ATP2B3: variants seen among roughly 807,000 people sequenced by gnomAD.
The protein encoded by ATP2B3 is ATPase plasma membrane Ca2+ transporting 3.
In ATP2B3, 12 loss-of-function variants were observed where a neutral mutation model predicts 70.8. That is an observed-to-expected ratio of 0.17 (90% CI 0.11 to 0.27). ATP2B3 has a LOEUF of 0.27. ATP2B3 is among the 10% of genes least tolerant of loss of function. The pLI is 1.00. For missense variants in ATP2B3, 858 were observed against 1,118.5 expected (o/e 0.77, Z 3.32); for synonymous variants, 460 against 497.8 (o/e 0.92, Z 1.01).
chrX:153,549,794 C>A, intron 11 of ATP2B3, 55 bp downstream of exon 11: 1 of 1,168,960 alleles, frequency 8.6e-7, no homozygotes, highest in Non-Finnish European at 1.1e-6. Context: ...AGGGGAGGGT[C>A]CTGGCCAGGG....
At chrX:153,536,815 G>A (rs994979244) in intron 3 of ATP2B3, among the ~76,000 whole-genome samples, 36 of 112,499 alleles carry the variant, frequency 3.2e-4, no homozygotes, top group Admixed American at 2.8e-4. Flanking sequence ...GATTTCCGGT[G>A]TGCTCAACCC....
Position 153,541,526 on chromosome X carries a change from T to C in ATP2B3, c.376T>C (p.Phe126Leu). 1 of 1,211,253 alleles carries C rather than the reference T, an allele frequency of 8.3e-7. No individual in the cohort carries two copies. The highest frequency in any genetic ancestry group is 1.1e-6 in the Non-Finnish European group (1 of 895,372). ...TGCCATCGTCTCTCTGGGCCTCTCGTTCTATGCGCCGCCAGGAGAGGAGAG... is the reference window on the plus strand; with the variant it reads ...TGCCATCGTCTCTCTGGGCCTCTCGCTCTATGCGCCGCCAGGAGAGGAGAG... The part of the protein sequence containing the change: ...VAAIVSLGLS[F>L]YAPPGEESEA... Residue 126 changes from phenylalanine (F) to leucine (L), a missense_variant, in exon 4 of 22, where the codon TTC (phenylalanine) becomes CTC (leucine). Phe to Leu is a conservative substitution (Grantham distance 22, BLOSUM62 0). Around this residue, in one of 5 missense-constraint regions of ATP2B3, gnomAD observed 278 missense variants for 366.2 expected, o/e 0.76. Transcript: ENST00000263519.
At chrX:153,559,048 A>G (rs2090585149) in intron 17 of ATP2B3, among the ~76,000 whole-genome samples, 1 of 1,478 alleles carries the variant, frequency 6.8e-4, no homozygotes, top group African/African-American at 7.6e-4. Context: ...TTAAATTGAG[A>G]TAAAAAATCA....
chrX:153,538,772 G>A (rs6643712), intron 3 of ATP2B3, among the ~76,000 whole-genome samples: 2 of 113,167 alleles, frequency 1.8e-5, no homozygotes, highest in Non-Finnish European at 3.7e-5. Flanking sequence ...GGCCGCAGCT[G>A]TGTTCCTCCT....
rs781965639 is a variant in ATP2B3, at chrX:153,559,746, C to T, written c.2643C>T (p.Ala881=). 7 of 1,211,357 alleles carry T rather than the reference C, an allele frequency of 5.8e-6. No homozygotes were observed. The East Asian group carries it at 1.5e-4, about 26-fold the overall frequency. ...CTCCATAGGACTCTCCTCTCAAAGC[C>T]GTGCAGATGTTGTGGGTGAACTTGA... is the stretch of plus-strand genomic sequence containing the variant. The part of the protein sequence containing the change: ...ACITQDSPLK[A]VQMLWVNLIM... Residue 881 remains alanine, a synonymous_variant, in exon 18 of 22, where the codon GCC becomes GCT. Coordinates refer to ENST00000263519, the MANE Select transcript of ATP2B3 (RefSeq NM_001001344.3).
At chrX:153,578,786 G>A (rs1299591533) in intron 21 of ATP2B3, among the ~76,000 whole-genome samples, 3 of 112,083 alleles carry the variant, frequency 2.7e-5, no homozygotes, top group Admixed American at 9.4e-5. Flanking sequence ...CAGCAGAGAC[G>A]CAAGTTTTGG....
At chrX:153,578,813 A>T (rs1376811822) in intron 21 of ATP2B3, among the ~76,000 whole-genome samples, 2 of 112,297 alleles carry the variant, frequency 1.8e-5, no homozygotes, top group East Asian at 5.6e-4. Context: ...TGACTGGAAG[A>T]TGGAGGAGGA....
Position 153,580,203 on chromosome X carries a change from A to C in ATP2B3, c.3568A>C (p.Ile1190Leu). Residue 1190 changes from isoleucine to leucine, a missense_variant, in exon 22 of 22, where the codon ATC (isoleucine) becomes CTC (leucine). Physicochemically the swap from Ile to Leu is conservative, Grantham distance 5. Transcript: ENST00000263519. ...GAACAACAACGCCATAGACAGCGGC[A>C]TCTACCTGACCACGCATGTCACCAA... is the stretch of plus-strand genomic sequence containing the variant. ...NQNNNAIDSG[I>L]YLTTHVTKSA... is the part of the protein sequence containing the mutation. 9.2e-7 allele frequency: 1 copy of C among 1,087,842 alleles called. No individual in the cohort carries two copies. 89.7% of individuals were successfully genotyped at this position (1,087,842 alleles called of 1,213,427 possible). A position where few individuals can be genotyped will look rare whatever the true frequency, so the allele number is the denominator to read the frequency against.
intron 7 of ATP2B3, among the ~76,000 whole-genome samples, chrX:153,545,582 G>T (rs1410766623): frequency 8.9e-6 from 1 of 112,657 alleles, no homozygotes; most frequent in Non-Finnish European, 1.9e-5. Context: ...GAGGCAGGAG[G>T]ATCGCTTAAA....
rs782034545 is a variant in ATP2B3, at chrX:153,547,886, C to T, written c.1010C>T (p.Ala337Val). ...ATGGAGATGCAGCCCCTGAAGAGCG[C>T]GGAGGGTGGGGAGATGGAGGAGCGG... ...VAMEMQPLKS[A>V]EGGEMEEREK... Residue 337 changes from alanine to valine, a missense_variant, in exon 9 of 22, where the codon GCG becomes GTG. Around this residue, in one of 5 missense-constraint regions of ATP2B3, gnomAD observed 278 missense variants for 366.2 expected, o/e 0.76. Transcript: ENST00000263519. 4.1e-6 allele frequency: 5 copies of T among 1,209,963 alleles called. No homozygotes were observed. The highest frequency in any genetic ancestry group is 3.5e-5 in the South Asian group (2 of 56,587).
rs782726948 is a variant in ATP2B3, at chrX:153,565,049, G to A, written c.3288G>A (p.Glu1096=). ...GEEEIDHAER[E]LRRGQILWFR... is the part of the protein sequence containing the mutation. ...AAGAGATCGACCATGCCGAGCGGGA[G>A]CTCCGCAGGGGCCAGATCCTCTGGT... The change falls in exon 21 of 22, where the codon GAG becomes GAA. Residue 1096 remains glutamate (E), a synonymous_variant. Coordinates refer to ENST00000263519, the MANE Select transcript of ATP2B3 (RefSeq NM_001001344.3). The A allele has an allele frequency of 8.3e-7, 1 of 1,200,559 alleles. No homozygotes were observed. The highest frequency in any genetic ancestry group is 1.1e-6 in the Non-Finnish European group (1 of 889,701).
chrX:153,539,601 G>A (rs2090248679), intron 3 of ATP2B3, among the ~76,000 whole-genome samples: 1 of 113,295 alleles, frequency 8.8e-6, no homozygotes, highest in African/African-American at 3.2e-5. Flanking sequence ...TCCCGTCCCT[G>A]CAGCAGATGG....
intron 2 of ATP2B3, among the ~76,000 whole-genome samples, chrX:153,523,448 G>C (rs946953563): frequency 8.9e-6 from 1 of 111,890 alleles, no homozygotes; most frequent in Non-Finnish European, 1.9e-5. Flanking sequence ...CTGAGGAGAG[G>C]GCCCAGGCAG....
chrX:153,537,431 C>G (rs2090208735), intron 3 of ATP2B3, among the ~76,000 whole-genome samples: 1 of 113,686 alleles, frequency 8.8e-6, no homozygotes, highest in Non-Finnish European at 1.9e-5. Context: ...CACCTCCAGC[C>G]TCCCGCTCTG....
intron 2 of ATP2B3, among the ~76,000 whole-genome samples, chrX:153,529,939 G>T (rs1453878811): frequency 8.9e-6 from 1 of 112,760 alleles, no homozygotes; most frequent in Non-Finnish European, 1.9e-5. Flanking sequence ...GCCTGGATGG[G>T]CCACATGGTG....
At position 153,580,143 on chromosome X, in the gene ATP2B3, CGCCTCCGGG is replaced by C; in HGVS notation, c.3509_3517del (p.Arg1170_Ala1173delinsPro). 1 of 1,211,963 alleles carries C rather than the reference CGCCTCCGGG, an allele frequency of 8.3e-7. No homozygotes were observed. Among genetic ancestry groups the C allele is most frequent in the African/African-American group, 1.7e-5 (1 of 57,845 alleles). On this transcript the variant is annotated inframe_deletion, in exon 22 of 22. Transcript: ENST00000263519. ...CACGGACGTGGACGAGAACGAGGAG[CGCCTCCGGG>C]CCCCCCCGCCCCCGTCCCCCAACCA...
chrX:153,527,447 C>T (rs991686631), intron 2 of ATP2B3, among the ~76,000 whole-genome samples: 3 of 113,151 alleles, frequency 2.7e-5, no homozygotes, highest in African/African-American at 9.6e-5. Flanking sequence ...GCCAGGCTCA[C>T]GCTGCTATGC....
chrX:153,580,368 G>C lies in ATP2B3; in HGVS notation c.*70G>C. Reference sequence around the variant, plus strand: ...CACGAAGTCACACGCACACATGCACGCACACACACATATGGGGACCTGCAC... The same window carrying C: ...CACGAAGTCACACGCACACATGCACCCACACACACATATGGGGACCTGCAC... On this transcript the variant is annotated 3_prime_UTR_variant, in exon 22 of 22. Transcript: ENST00000263519. 2.0e-6 allele frequency: 2 copies of C among 1,009,652 alleles called. No homozygotes were observed. The highest frequency in any genetic ancestry group is 2.7e-6 in the Non-Finnish European group (2 of 736,790). 83.2% of individuals were successfully genotyped at this position (1,009,652 alleles called of 1,213,427 possible).
intron 3 of ATP2B3, among the ~76,000 whole-genome samples, chrX:153,537,480 C>T (rs1257992623): frequency 1.8e-5 from 2 of 113,540 alleles, no homozygotes; most frequent in Non-Finnish European, 3.7e-5. Context: ...CTTGTGGCTC[C>T]GGCCTCGGCC....
Sources: allele counts gnomAD v4.1 joint callset (sites outside exome capture counted in the v4.1 genomes callset), GRCh38; gene constraint gnomAD v4.1.1; regional missense constraint gnomAD v4.1.1; transcripts MANE v1.5; gene names NCBI Gene and HGNC (gene_info 2026-07-23, HGNC 2026-07-21).